CAMK1D: variants seen among roughly 807,000 people sequenced by gnomAD.
The protein encoded by CAMK1D is calcium/calmodulin-dependent protein kinase type 1D.
Under a neutral mutation model 47.7 loss-of-function variants are expected in CAMK1D, and 9 were observed. The ratio of observed to expected loss-of-function variants is 0.19; its 90% confidence interval spans 0.11 to 0.33. The LOEUF (loss-of-function observed/expected upper bound fraction) is 0.33. CAMK1D is among the 10% of genes least tolerant of loss of function. The pLI is 1.00. For synonymous variants in CAMK1D, 184 were observed against 184.9 expected (o/e 0.99, Z 0.04); for missense variants, 291 against 488.7 (o/e 0.60, Z 3.81).
chr10:12,390,482 A>G (rs1208635020), intron 1 of CAMK1D, among the ~76,000 whole-genome samples: 1 of 152,158 alleles, frequency 6.6e-6, no homozygotes, highest in Non-Finnish European at 1.5e-5. Context: ...CTGTCACTAT[A>G]TCTGTCTCTG....
chr10:12,539,607 CCATCAG>C (rs1836097878), intron 1 of CAMK1D, among the ~76,000 whole-genome samples: 1 of 152,200 alleles, frequency 6.6e-6, no homozygotes, highest in South Asian at 2.1e-4. Flanking sequence ...GGTTCCCCCA[CCATCAG>C]GGATGGGAGT....
chr10:12,631,607 G>T (rs1367521843), intron 2 of CAMK1D, among the ~76,000 whole-genome samples: 1 of 152,076 alleles, frequency 6.6e-6, no homozygotes, highest in Non-Finnish European at 1.5e-5. Context: ...TGCTCTCGTG[G>T]CTGGACAGCT....
chr10:12,442,579 C>A (rs993305530), intron 1 of CAMK1D, among the ~76,000 whole-genome samples: 1 of 152,174 alleles, frequency 6.6e-6, no homozygotes, highest in African/African-American at 2.4e-5. Flanking sequence ...CTTGCAAAGC[C>A]CTTCTATACA....
chr10:12,395,571 TGTAA>T (rs1838912612), intron 1 of CAMK1D, among the ~76,000 whole-genome samples: 1 of 152,132 alleles, frequency 6.6e-6, no homozygotes, highest in African/African-American at 2.4e-5. Context: ...TGACACCTAA[TGTAA>T]GTGAGGAATG....
intron 1 of CAMK1D, among the ~76,000 whole-genome samples, chr10:12,425,483 C>T (rs999584557): frequency 3.3e-5 from 5 of 152,068 alleles, no homozygotes; most frequent in Non-Finnish European, 4.4e-5. Context: ...GGTTTCACCA[C>T]GTTGGCCAGG....
chr10:12,511,040 A>T (rs1451968335), intron 1 of CAMK1D, among the ~76,000 whole-genome samples: 1 of 152,150 alleles, frequency 6.6e-6, no homozygotes, highest in Non-Finnish European at 1.5e-5. Flanking sequence ...CTTACACGGG[A>T]TGCGGAATTT....
intron 2 of CAMK1D, among the ~76,000 whole-genome samples, chr10:12,652,922 TAAG>T (rs1840019199): frequency 6.6e-6 from 1 of 152,260 alleles, no homozygotes; most frequent in South Asian, 2.1e-4. Context: ...AATTAATTCT[TAAG>T]AAAGAATACG....
At chr10:12,592,036 T>C (rs943684891) in intron 2 of CAMK1D, among the ~76,000 whole-genome samples, 1 of 149,222 alleles carries the variant, frequency 6.7e-6, no homozygotes, top group African/African-American at 2.5e-5. Flanking sequence ...AATTTGTCTT[T>C]TCTTATTTCA....
chr10:12,379,894 A>C (rs1324882408), intron 1 of CAMK1D, among the ~76,000 whole-genome samples: 1 of 152,048 alleles, frequency 6.6e-6, no homozygotes, highest in East Asian at 1.9e-4. Flanking sequence ...GGATCAGTAT[A>C]AATCTTTTGG....
In CAMK1D at chr10:12,680,884, CAA is replaced by C. The variant is rs112938242; in HGVS notation, c.299+14090_299+14091del. Among the ~76,000 whole-genome samples the C allele has an allele frequency of 3.1e-3, 440 of 140,328 alleles. 1 individual carries two copies. The highest frequency in any genetic ancestry group is 6.4e-3 in the Admixed American group (90 of 14,094). The allele number at this position is 140,328 out of a possible 152,430, so 92.1% of individuals were successfully genotyped here. A position where few individuals can be genotyped will look rare whatever the true frequency, so the allele number is the denominator to read the frequency against. On this transcript the variant is annotated intron_variant, in intron 3 of 10. Transcript: ENST00000619168. The stretch of plus-strand genomic sequence containing the variant: ...TGGGTGACAGAGTGAGACCATGTCT[CAA>C]AAAAAAAAAAAAAAATCTTTACTCC...
At chr10:12,354,523 T>C (rs1018161048) in intron 1 of CAMK1D, among the ~76,000 whole-genome samples, 1 of 151,546 alleles carries the variant, frequency 6.6e-6, no homozygotes, top group Non-Finnish European at 1.5e-5. Flanking sequence ...CCTCCCAGGT[T>C]CAAGCGATTC....
rs116664681 is a variant in CAMK1D at position 12,468,199 on chromosome 10, G to C, written c.93-85026G>C. Among the ~76,000 whole-genome samples, 668 of 152,224 alleles carry C rather than the reference G, an allele frequency of 4.4e-3. 4 individuals are homozygous for C. Among genetic ancestry groups the C allele is most frequent in the African/African-American group, 0.015 (641 of 41,528 alleles). On this transcript the variant is annotated intron_variant, in intron 1 of 10. Transcript: ENST00000619168. ...GCTTCCCGAGTAGCTGGGACTACAG[G>C]TGCTTAACACTACATCCAGCTATTT...
chr10:12,438,567 T>C (rs1832697969), intron 1 of CAMK1D, among the ~76,000 whole-genome samples: 1 of 152,236 alleles, frequency 6.6e-6, no homozygotes, highest in Admixed American at 6.5e-5. Flanking sequence ...ATTCTTGTCT[T>C]TACTGGGGCC....
intron 2 of CAMK1D, among the ~76,000 whole-genome samples, chr10:12,635,016 A>G (rs1839474770): frequency 1.3e-5 from 2 of 152,210 alleles, no homozygotes; most frequent in South Asian, 4.1e-4. Flanking sequence ...GCCGTGACCC[A>G]GACAGACAAA....
intron 2 of CAMK1D, among the ~76,000 whole-genome samples, chr10:12,578,344 A>T (rs1837556157): frequency 6.6e-6 from 1 of 152,100 alleles, no homozygotes; most frequent in Non-Finnish European, 1.5e-5. Flanking sequence ...GCTTAGGCGG[A>T]TGGATCACCT....
chr10:12,595,339 T>C (rs1412901918), intron 2 of CAMK1D, among the ~76,000 whole-genome samples: 1 of 166 alleles, frequency 6.0e-3, no homozygotes, highest in Non-Finnish European at 0.014. Context: ...TGAAACTCCA[T>C]CTGAAAAAAA....
At chr10:12,658,376 G>A (rs1840178688) in intron 2 of CAMK1D, among the ~76,000 whole-genome samples, 1 of 151,958 alleles carries the variant, frequency 6.6e-6, no homozygotes, top group Non-Finnish European at 1.5e-5. Context: ...GTTGGTGTGG[G>A]GCAGGGTGGA....
At chr10:12,419,312 G>T (rs1316224478) in intron 1 of CAMK1D, among the ~76,000 whole-genome samples, 1 of 152,116 alleles carries the variant, frequency 6.6e-6, no homozygotes, top group Non-Finnish European at 1.5e-5. Context: ...GAGGTTGGGA[G>T]CCTGGGGCCA....
chr10:12,397,607 G>C (rs970389652), intron 1 of CAMK1D, among the ~76,000 whole-genome samples: 2 of 152,184 alleles, frequency 1.3e-5, no homozygotes, highest in Non-Finnish European at 2.9e-5. Flanking sequence ...AGCCATCCCT[G>C]TGACCCTGGG....
Sources: allele counts gnomAD v4.1 joint callset (sites outside exome capture counted in the v4.1 genomes callset), GRCh38; gene constraint gnomAD v4.1.1; transcripts MANE v1.5; gene names NCBI Gene and HGNC (gene_info 2026-07-23, HGNC 2026-07-21).